The following DNAJC11 variants were observed in gnomAD, a reference collection of about 807,000 sequenced individuals.
DNAJC11 encodes DnaJ heat shock protein family (Hsp40) member C11.
Under a neutral mutation model 78.6 loss-of-function variants are expected in DNAJC11, and 15 were observed. The ratio of observed to expected loss-of-function variants is 0.19; its 90% CI spans 0.13 to 0.29. DNAJC11 has a LOEUF of 0.29. Ranked by LOEUF, DNAJC11 falls within the 10% of genes least tolerant of loss-of-function variation. DNAJC11 has a pLI of 1.00. For missense variants in DNAJC11, 547 were observed against 709.6 expected (o/e 0.77, Z 2.60); for synonymous variants, 292 against 272.1 (o/e 1.07, Z -0.72).
At chr1:6,646,002 AG>A (rs1354838207) in intron 7 of DNAJC11, 24 bp from the exon 8 acceptor site, 1 of 1,612,650 alleles carries the variant, frequency 6.2e-7, no homozygotes, top group South Asian at 1.1e-5. Context: ...GAGACAGAAT[AG>A]GTCCTGGATA....
rs575439699 is a variant in DNAJC11, at chr1:6,669,862, AAC to A, written c.277-2054_277-2053del. On this transcript the variant is annotated intron_variant, in intron 3 of 15. Coordinates refer to ENST00000377577, the MANE Select transcript of DNAJC11 (RefSeq NM_018198.4). ...GCAGATTCTGCCCATCCATGGGAGA[AAC>A]ACAGGGGAGTCTTGAGTTGCTGCTC... is the stretch of plus-strand genomic sequence containing the variant. 3.9e-5 allele frequency among the ~76,000 whole-genome samples: 6 copies of A among 152,326 alleles called. No individual in the cohort carries two copies. The East Asian group carries it at 9.6e-4, about 24-fold the overall frequency.
At chr1:6,640,089 A>AAT (rs1553126990) in intron 10 of DNAJC11, 32 bp from the exon 11 acceptor site, 2 of 1,512,134 alleles carry the variant, frequency 1.3e-6, no homozygotes, top group Non-Finnish European at 1.8e-6. Flanking sequence ...AAAAAAAAAA[A>AAT]GCCAAGATGA....
At chr1:6,649,537 GCT>G (rs1224003495) in intron 7 of DNAJC11, among the ~76,000 whole-genome samples, 1 of 152,094 alleles carries the variant, frequency 6.6e-6, no homozygotes. Flanking sequence ...TGTTTCGCAG[GCT>G]CTCTCCCAAC....
At chr1:6,638,997 A>G (rs1641831021) in intron 11 of DNAJC11, among the ~76,000 whole-genome samples, 1 of 152,220 alleles carries the variant, frequency 6.6e-6, no homozygotes, top group African/African-American at 2.4e-5. Context: ...CTGAGTCCAA[A>G]GGCCAGACGG....
Position 6,634,857 on chromosome 1 carries a change from C to G in DNAJC11, c.*818G>C. 3 of 1,228,802 alleles carry G rather than the reference C, an allele frequency of 2.4e-6. No individual in the cohort carries two copies. Among genetic ancestry groups the G allele is most frequent in the Non-Finnish European group, 3.2e-6 (3 of 951,106 alleles). 76.1% of individuals were successfully genotyped at this position (1,228,802 alleles called of 1,614,324 possible). A position where few individuals can be genotyped will look rare whatever the true frequency, so the allele number is the denominator to read the frequency against. ...GTGTGTCTGATGTCTTGCCAAGCGC[C>G]TGGTCCTGTCCTCTTGAGCTGCCCT... is the stretch of plus-strand genomic sequence containing the variant. On this transcript the variant is annotated 3_prime_UTR_variant, in exon 16 of 16. Coordinates refer to ENST00000377577, the MANE Select transcript of DNAJC11 (RefSeq NM_018198.4).
intron 1 of DNAJC11, among the ~76,000 whole-genome samples, chr1:6,684,051 T>G (rs1642596363): frequency 6.6e-6 from 1 of 152,194 alleles, no homozygotes; most frequent in African/African-American, 2.4e-5. Context: ...GGGACTTATT[T>G]TTTTTCCCAC....
intron 1 of DNAJC11, among the ~76,000 whole-genome samples, chr1:6,701,051 T>G (rs887549716): frequency 2.0e-5 from 3 of 152,118 alleles, no homozygotes; most frequent in Non-Finnish European, 4.4e-5. Context: ...GTGCTTGGTG[T>G]GAATGTTGAA....
chr1:6,655,222 C>T (rs1642109538), intron 4 of DNAJC11, among the ~76,000 whole-genome samples: 1 of 152,286 alleles, frequency 6.6e-6, no homozygotes, highest in African/African-American at 2.4e-5. Context: ...AAAAGTTCCA[C>T]ATTAAAGGTA....
intron 1 of DNAJC11, among the ~76,000 whole-genome samples, chr1:6,684,565 A>C (rs1264837631): frequency 6.6e-6 from 1 of 152,242 alleles, no homozygotes; most frequent in African/African-American, 2.4e-5. Flanking sequence ...CTTATTAATA[A>C]ATGGCTTAAT....
At position 6,637,384 on chromosome 1, in the gene DNAJC11, T is replaced by A. The variant is rs562821219; in HGVS notation, c.1382-44A>T. The A allele has an allele frequency of 1.5e-5, 24 of 1,614,196 alleles. 2 individuals are homozygous for A. The South Asian group carries it at 2.3e-4, about 16-fold the overall frequency. On this transcript the variant is annotated intron_variant, in intron 13 of 15. Coordinates refer to ENST00000377577, the MANE Select transcript of DNAJC11 (RefSeq NM_018198.4). ...TAGAGGAAGGCCTCCTCCAGGCACC[T>A]CCTTGTGTGGCTTAGAGACCCCCAG...
intron 1 of DNAJC11, among the ~76,000 whole-genome samples, chr1:6,688,277 C>A (rs189212319): frequency 6.6e-6 from 1 of 152,330 alleles, no homozygotes; most frequent in East Asian, 1.9e-4. Context: ...CTTTCTTCCT[C>A]TTGTACCTGA....
chr1:6,697,493 A>G (rs1312637903), intron 1 of DNAJC11, among the ~76,000 whole-genome samples: 1 of 152,238 alleles, frequency 6.6e-6, no homozygotes, highest in Non-Finnish European at 1.5e-5. Context: ...AATAGGGTTC[A>G]TGCTCCTATG....
intron 4 of DNAJC11, among the ~76,000 whole-genome samples, chr1:6,664,086 C>T (rs765575753): frequency 6.6e-6 from 1 of 152,100 alleles, no homozygotes; most frequent in African/African-American, 2.4e-5. Flanking sequence ...GGACACACGC[C>T]GGGGCTGGGG....
At chr1:6,640,553 C>T (rs1570264465) in intron 10 of DNAJC11, among the ~76,000 whole-genome samples, 1 of 152,268 alleles carries the variant, frequency 6.6e-6, no homozygotes, top group African/African-American at 2.4e-5. Flanking sequence ...AAAATTTGGC[C>T]AGGCGTGGTG....
intron 2 of DNAJC11, among the ~76,000 whole-genome samples, chr1:6,679,605 G>A (rs1570304515): frequency 6.6e-6 from 1 of 152,296 alleles, no homozygotes; most frequent in East Asian, 1.9e-4. Context: ...AATCTAACGG[G>A]AAAGGAAGAA....
chr1:6,634,969 C>A lies in DNAJC11; in HGVS notation c.*706G>T. 1 of 924,398 alleles carries A rather than the reference C, an allele frequency of 1.1e-6. No homozygotes were observed. The highest frequency in any genetic ancestry group is 1.4e-6 in the Non-Finnish European group (1 of 708,340). 57.3% of individuals were successfully genotyped at this position (924,398 alleles called of 1,614,324 possible). A position where few individuals can be genotyped will look rare whatever the true frequency, so the allele number is the denominator to read the frequency against. On this transcript the variant is annotated 3_prime_UTR_variant, in exon 16 of 16. Coordinates refer to ENST00000377577, the MANE Select transcript of DNAJC11 (RefSeq NM_018198.4). ...AGCCCGCTGGTGGCAGGGCGTTTTCCCACCGGGATACGGGAAGCCACCTGT... is the reference window on the plus strand; with the variant it reads ...AGCCCGCTGGTGGCAGGGCGTTTTCACACCGGGATACGGGAAGCCACCTGT...
At chr1:6,644,912 G>A in intron 9 of DNAJC11, 129 bp downstream of exon 9, 1 of 934,634 alleles carries the variant, frequency 1.1e-6, no homozygotes, top group Non-Finnish European at 1.7e-6. Flanking sequence ...CTCAAAATAG[G>A]AAGCTCTCCA....
At chr1:6,696,110 T>C (rs1259417718) in intron 1 of DNAJC11, among the ~76,000 whole-genome samples, 1 of 152,252 alleles carries the variant, frequency 6.6e-6, no homozygotes, top group Non-Finnish European at 1.5e-5. Flanking sequence ...TCTGAATAAG[T>C]TGTTTTTGGA....
At chr1:6,677,753 GCAAA>G (rs1642492335) in intron 3 of DNAJC11, among the ~76,000 whole-genome samples, 1 of 152,306 alleles carries the variant, frequency 6.6e-6, no homozygotes, top group African/African-American at 2.4e-5. Flanking sequence ...CAGTGTGAAA[GCAAA>G]CAAATTGTCT....
Sources: allele counts gnomAD v4.1 joint callset (sites outside exome capture counted in the v4.1 genomes callset), GRCh38; gene constraint gnomAD v4.1.1; transcripts MANE v1.5; gene names NCBI Gene and HGNC (gene_info 2026-07-23, HGNC 2026-07-21).